Variants in TET2 observed in about 807,000 individuals in gnomAD.
The protein encoded by TET2 is methylcytosine dioxygenase TET2.
Under a neutral mutation model 142.9 loss-of-function variants are expected in TET2, and 299 were observed. That is an observed-to-expected ratio of 2.09 (90% CI 1.90 to 2.30). TET2 has a LOEUF of 2.30. Ranked by LOEUF, TET2 falls within the 30% of genes most tolerant of loss-of-function variation. TET2 has a pLI of 0.00. For missense variants in TET2, 2,418 were observed against 2,378.0 expected (o/e 1.02, Z -0.35); for synonymous variants, 819 against 849.0 (o/e 0.96, Z 0.61).
At position 105,243,760 on chromosome 4, in the gene TET2, G is replaced by A. The variant is rs1455459760; in HGVS notation, c.3785G>A (p.Arg1262Gln). 3.2e-6 allele frequency: 5 copies of A among 1,551,320 alleles called. No homozygotes were observed. Among genetic ancestry groups the A allele is most frequent in the African/African-American group, 1.4e-5 (1 of 73,088 alleles). Residue 1262 changes from arginine to glutamine, a missense_variant, in exon 6 of 11, where the codon CGG becomes CAG. Coordinates refer to ENST00000380013, the MANE Select transcript of TET2 (RefSeq NM_001127208.3). ...LRKYGTLTNRRCALNEERTCA... is the reference protein window; with the variant it reads ...LRKYGTLTNRQCALNEERTCA... ...AAATACGGCACGCTCACCAATCGCC[G>A]GTGTGCCTTGAATGAAGAGTAAGTG...
chr4:105,191,736 T>C (rs1281375268), intron 2 of TET2, among the ~76,000 whole-genome samples: 1 of 152,140 alleles, frequency 6.6e-6, no homozygotes, highest in East Asian at 1.9e-4. Flanking sequence ...TGAACTCCCA[T>C]GATTCCTGGA....
rs1240238671 is a variant in TET2 at position 105,236,801 on chromosome 4, G to A, written c.2859G>A (p.Arg953=). The change falls in exon 3 of 11, where the codon AGG becomes AGA. Residue 953 remains arginine, a synonymous_variant. Transcript: ENST00000380013. ...ACACTCAAAAGCATGCTGCTCTAAG[G>A]TGGCATCTCTTACAGAAGCAAGAAC... ...QKDTQKHAAL[R]WHLLQKQEQQ... is the part of the protein sequence containing the mutation. The A allele has an allele frequency of 1.9e-6, 3 of 1,614,090 alleles. No homozygotes were observed. Among genetic ancestry groups the A allele is most frequent in the Admixed American group, 1.7e-5 (1 of 59,994 alleles).
intron 1 of TET2, among the ~76,000 whole-genome samples, chr4:105,149,167 A>T (rs1723181455): frequency 6.6e-6 from 1 of 152,184 alleles, no homozygotes; most frequent in South Asian, 2.1e-4. Flanking sequence ...TTGCTAACAA[A>T]CTAATATTTA....
rs577153234 is a variant in TET2, at chr4:105,212,420, A to C, written c.-46-21477A>C. ...TTGATTTGTTTTTAATGTAGTCAATAATATTTACATATAATGACTGGCAAC... is the reference window on the plus strand; with the variant it reads ...TTGATTTGTTTTTAATGTAGTCAATCATATTTACATATAATGACTGGCAAC... On this transcript the variant is annotated intron_variant, in intron 2 of 10. Transcript: ENST00000380013. Among the ~76,000 whole-genome samples the C allele has an allele frequency of 7.9e-5, 12 of 152,308 alleles. 1 individual carries two copies. The South Asian group carries it at 2.5e-3, about 32-fold the overall frequency.
chr4:105,222,749 G>T (rs1727920272), intron 2 of TET2, among the ~76,000 whole-genome samples: 1 of 151,848 alleles, frequency 6.6e-6, no homozygotes, highest in Non-Finnish European at 1.5e-5. Flanking sequence ...TTTGGCTTTT[G>T]TTGCCATTGC....
chr4:105,179,989 G>T (rs1725022209), intron 1 of TET2, among the ~76,000 whole-genome samples: 1 of 152,142 alleles, frequency 6.6e-6, no homozygotes, highest in African/African-American at 2.4e-5. Flanking sequence ...CCTACTAAGG[G>T]TTGTTCATTT....
At chr4:105,209,753 A>AT (rs1560754670) in intron 2 of TET2, among the ~76,000 whole-genome samples, 1 of 152,184 alleles carries the variant, frequency 6.6e-6, no homozygotes, top group Non-Finnish European at 1.5e-5. Context: ...TTTAAACAGA[A>AT]TTAGTATAGA....
rs1224419124 is a variant in TET2 at position 105,186,473 on chromosome 4, C to CTTT, written c.-192-3869_-192-3867dup. ...ATAAGCTGACTGTATTTTGCATTTT[C>CTTT]TTTTTTTTTTTTTTTTTTTTGAGAT... On this transcript the variant is annotated intron_variant, in intron 1 of 10. Coordinates refer to ENST00000380013, the MANE Select transcript of TET2 (RefSeq NM_001127208.3). Among the ~76,000 whole-genome samples the CTTT allele has an allele frequency of 6.4e-4, 74 of 115,100 alleles. 1 individual carries two copies. Among genetic ancestry groups the CTTT allele is most frequent in the African/African-American group, 9.5e-4 (28 of 29,494 alleles). The allele number at this position is 115,100 out of a possible 152,430, so 75.5% of individuals were successfully genotyped here. A position where few individuals can be genotyped will look rare whatever the true frequency, so the allele number is the denominator to read the frequency against.
intron 10 of TET2, among the ~76,000 whole-genome samples, chr4:105,273,124 A>G (rs1160000170): frequency 2.6e-5 from 4 of 152,124 alleles, no homozygotes; most frequent in Non-Finnish European, 5.9e-5. Context: ...CATCTTCCTG[A>G]TGCACCCCTA....
intron 2 of TET2, among the ~76,000 whole-genome samples, chr4:105,199,172 T>C (rs1726285988): frequency 6.6e-6 from 1 of 152,228 alleles, no homozygotes; most frequent in African/African-American, 2.4e-5. Flanking sequence ...ATTTATAACT[T>C]ACTGGTCCCT....
chr4:105,160,371 G>A (rs1031132052), intron 1 of TET2, among the ~76,000 whole-genome samples: 1 of 152,078 alleles, frequency 6.6e-6, no homozygotes, highest in African/African-American at 2.4e-5. Flanking sequence ...GTCTAACCAC[G>A]TATATTTGGT....
chr4:105,227,820 T>C (rs1452850073), intron 2 of TET2, among the ~76,000 whole-genome samples: 1 of 152,176 alleles, frequency 6.6e-6, no homozygotes. Context: ...ATAAAAAAAA[T>C]TCATTAACTC....
rs185135164 is a variant in TET2, at chr4:105,237,969, A to C, written c.3409+618A>C. 5.0e-4 allele frequency: 478 copies of C among 951,844 alleles called. 4 individuals are homozygous for C. Among genetic ancestry groups the C allele is most frequent in the Non-Finnish European group, 1.1e-4 (82 of 770,596 alleles). The allele number at this position is 951,844 out of a possible 1,614,324, so 59.0% of individuals were successfully genotyped here. On this transcript the variant is annotated intron_variant, in intron 3 of 10. Transcript: ENST00000380013. ...TAAAATTTCATCTTTTTGATTAAAA[A>C]ATATGATACAGGCATACCTCAGAGA... is the stretch of plus-strand genomic sequence containing the variant.
intron 6 of TET2, among the ~76,000 whole-genome samples, chr4:105,246,114 G>A (rs574395068): frequency 6.6e-5 from 10 of 152,054 alleles, no homozygotes; most frequent in Non-Finnish European, 8.8e-5. Context: ...GTAGAGACAG[G>A]GTTTCACCAT....
At chr4:105,244,626 G>A (rs1016559531) in intron 6 of TET2, among the ~76,000 whole-genome samples, 4 of 104,620 alleles carry the variant, frequency 3.8e-5, no homozygotes, top group Admixed American at 1.4e-4. Flanking sequence ...ATGGAGTTTC[G>A]CTCTTGTTGC....
intron 2 of TET2, among the ~76,000 whole-genome samples, chr4:105,204,258 CACACACACACAT>C (rs1317549265): frequency 2.7e-5 from 4 of 147,480 alleles, no homozygotes; most frequent in South Asian, 2.1e-4. Flanking sequence ...CACACACACA[CACACACACACAT>C]ACATACATAC....
chr4:105,269,303 A>G (rs1197528502), intron 8 of TET2, among the ~76,000 whole-genome samples: 1 of 152,218 alleles, frequency 6.6e-6, no homozygotes, highest in African/African-American at 2.4e-5. Context: ...AGAACAAAGC[A>G]GGAAGCATGA....
At chr4:105,272,334 A>G (rs1485979333) in intron 9 of TET2, among the ~76,000 whole-genome samples, 3 of 152,310 alleles carry the variant, frequency 2.0e-5, no homozygotes, top group South Asian at 4.1e-4. Context: ...TGATAGACTC[A>G]GAGAAAGGGT....
intron 2 of TET2, chr4:105,202,220 C>T (rs1488974200): frequency 6.6e-6 from 1 of 152,120 alleles, no homozygotes; most frequent in Non-Finnish European, 1.5e-5. Flanking sequence ...CTTAAATATA[C>T]TTTAACTTAT....
Sources: allele counts gnomAD v4.1 joint callset (sites outside exome capture counted in the v4.1 genomes callset), GRCh38; gene constraint gnomAD v4.1.1; transcripts MANE v1.5; gene names NCBI Gene and HGNC (gene_info 2026-07-23, HGNC 2026-07-21).